Variants in KATNIP observed in about 807,000 individuals in gnomAD.
The protein encoded by KATNIP is katanin-interacting protein.
KATNIP carries 126 observed loss-of-function variants against 174.0 expected under a neutral mutation model. The observed-to-expected ratio is 0.72, with a 90% CI of 0.63 to 0.84. KATNIP has a LOEUF of 0.84. KATNIP is among the 40% of genes least tolerant of loss of function. KATNIP has a pLI of 0.00. For synonymous variants in KATNIP, 810 were observed against 835.7 expected (o/e 0.97, Z 0.53); for missense variants, 1,958 against 2,109.7 (o/e 0.93, Z 1.41).
At chr16:27,748,597 TAAAC>T (rs1194256259) in intron 15 of KATNIP, among the ~76,000 whole-genome samples, 1 of 143,276 alleles carries the variant, frequency 7.0e-6, no homozygotes, top group East Asian at 2.1e-4. Context: ...TCTCAATAAA[TAAAC>T]AAATAGCATT....
rs60005285 is a variant in KATNIP, at chr16:27,713,809, C to CATAT, written c.1605+4934_1605+4937dup. On this transcript the variant is annotated intron_variant, in intron 13 of 27. Coordinates refer to ENST00000261588, the MANE Select transcript of KATNIP (RefSeq NM_015202.5). ...ATATATGTGTGTGTGTGTGTATATA[C>CATAT]ATATATATATATATATATATATATA... Among the ~76,000 whole-genome samples, 226 of 33,302 alleles carry CATAT rather than the reference C, an allele frequency of 6.8e-3. 9 individuals carry two copies. Among genetic ancestry groups the CATAT allele is most frequent in the Non-Finnish European group, 9.9e-3 (159 of 16,046 alleles). The allele number at this position is 33,302 out of a possible 152,430, so 21.8% of individuals were successfully genotyped here. A position where few individuals can be genotyped will look rare whatever the true frequency, so the allele number is the denominator to read the frequency against.
At chr16:27,663,286 C>T (rs1285745213) in intron 6 of KATNIP, among the ~76,000 whole-genome samples, 1 of 150,580 alleles carries the variant, frequency 6.6e-6, no homozygotes, top group Admixed American at 6.6e-5. Context: ...TGTGACCCAC[C>T]ACACCTGGCC....
chr16:27,777,543 C>A lies in KATNIP; in HGVS notation c.4552-67C>A. 6.8e-7 allele frequency: 1 copy of A among 1,474,682 alleles called. No homozygotes were observed. Among genetic ancestry groups the A allele is most frequent in the Non-Finnish European group, 9.2e-7 (1 of 1,090,140 alleles). 91.3% of individuals were successfully genotyped at this position (1,474,682 alleles called of 1,614,324 possible). A position where few individuals can be genotyped will look rare whatever the true frequency, so the allele number is the denominator to read the frequency against. On this transcript the variant is annotated intron_variant, in intron 25 of 27. Coordinates refer to ENST00000261588, the MANE Select transcript of KATNIP (RefSeq NM_015202.5). The surrounding 1 kb of genome is among the most constrained non-coding windows in gnomAD (Gnocchi z 4.4). ...AAAGCCTTGGCTCAGAGCAGTAACG[C>A]GTTCTGCCCAAGGTCAACGTGGGAG...
intron 19 of KATNIP, among the ~76,000 whole-genome samples, chr16:27,761,966 G>C (rs560300793): frequency 6.6e-6 from 1 of 152,310 alleles, no homozygotes; most frequent in African/African-American, 2.4e-5. Flanking sequence ...CAGGCCTCCC[G>C]GGGGCTGAAA....
chr16:27,631,484 G>A lies in KATNIP; in HGVS notation c.408+322G>A, dbSNP rs548270816. 5.3e-5 allele frequency among the ~76,000 whole-genome samples: 8 copies of A among 151,528 alleles called. No homozygotes were observed. The South Asian group carries it at 1.0e-3, about 20-fold the overall frequency. On this transcript the variant is annotated intron_variant, in intron 5 of 27. Coordinates refer to ENST00000261588, the MANE Select transcript of KATNIP (RefSeq NM_015202.5). Reference sequence around the variant, plus strand: ...TGCATGAGCCCAGAAGTTTAAGCCCGCAGTGAGCTACAGTTGCACCACTGC... The same window carrying A: ...TGCATGAGCCCAGAAGTTTAAGCCCACAGTGAGCTACAGTTGCACCACTGC...
At chr16:27,619,472 G>A (rs371057164) in intron 3 of KATNIP, among the ~76,000 whole-genome samples, 14 of 152,272 alleles carry the variant, frequency 9.2e-5, no homozygotes, top group African/African-American at 3.1e-4. Flanking sequence ...CTGTGTTATC[G>A]GAGTGGGCTT....
chr16:27,749,702 C>A lies in KATNIP; in HGVS notation c.2742C>A (p.Ile914=), dbSNP rs1169536895. ...TCGACCGCTCCCACCGGGGACGCAT[C>A]TCCAACACGGAGCTCCCGGGGGACA... The part of the protein sequence containing the change: ...SAFDRSHRGR[I]SNTELPGDIL... Residue 914 remains isoleucine, a synonymous_variant, in exon 16 of 28, where the codon ATC becomes ATA. Coordinates refer to ENST00000261588, the MANE Select transcript of KATNIP (RefSeq NM_015202.5). The A allele has an allele frequency of 1.2e-6, 2 of 1,613,648 alleles. No individual in the cohort carries two copies. The highest frequency in any genetic ancestry group is 2.2e-5 in the East Asian group (1 of 44,868).
At chr16:27,676,579 A>G (rs945883707) in intron 6 of KATNIP, among the ~76,000 whole-genome samples, 9 of 152,042 alleles carry the variant, frequency 5.9e-5, no homozygotes, top group African/African-American at 2.2e-4. Flanking sequence ...ATTGCTTCCC[A>G]TTTTCTTAGA....
At chr16:27,690,691 C>T (rs1250428496) in intron 8 of KATNIP, among the ~76,000 whole-genome samples, 1 of 152,168 alleles carries the variant, frequency 6.6e-6, no homozygotes, top group Non-Finnish European at 1.5e-5. Flanking sequence ...CATCTGAAGA[C>T]AAAACAAGGC....
chr16:27,778,611 G>A lies in KATNIP; in HGVS notation c.4839G>A (p.Thr1613=), dbSNP rs746502962. 43 of 1,613,764 alleles carry A rather than the reference G, an allele frequency of 2.7e-5. No homozygotes were observed. Among genetic ancestry groups the A allele is most frequent in the Middle Eastern group, 3.3e-4 (2 of 6,080 alleles). The change falls in exon 28 of 28, where the codon ACG becomes ACA. Residue 1613 remains threonine, a synonymous_variant. Coordinates refer to ENST00000261588, the MANE Select transcript of KATNIP (RefSeq NM_015202.5). ...RPKTCISEKE[T]RRRRC is the part of the protein sequence containing the mutation. ...AAACCTGCATCAGCGAGAAGGAGAC[G>A]AGACGACGGCGCTGCTGACTGGTGA...
At chr16:27,720,446 A>ATG (rs2080175236) in intron 13 of KATNIP, among the ~76,000 whole-genome samples, 1 of 148,860 alleles carries the variant, frequency 6.7e-6, no homozygotes, top group Non-Finnish European at 1.5e-5. Flanking sequence ...GGCACACTCC[A>ATG]TGTGTGTGCA....
At chr16:27,551,109 A>T (rs2089341621) in intron 1 of KATNIP, among the ~76,000 whole-genome samples, 2 of 152,170 alleles carry the variant, frequency 1.3e-5, no homozygotes, top group Admixed American at 1.3e-4. Flanking sequence ...CCCTGATTAG[A>T]GTCATGGTAT....
intron 6 of KATNIP, among the ~76,000 whole-genome samples, chr16:27,671,642 C>G (rs1460143366): frequency 6.6e-6 from 1 of 152,220 alleles, no homozygotes; most frequent in Non-Finnish European, 1.5e-5. Context: ...TCCCTGTCCC[C>G]ACCTCTGCTG....
chr16:27,698,962 G>A (rs1309852993), intron 9 of KATNIP, among the ~76,000 whole-genome samples: 1 of 152,204 alleles, frequency 6.6e-6, no homozygotes, highest in Non-Finnish European at 1.5e-5. Flanking sequence ...GGCCTACAGG[G>A]GTTTGAGCTT....
At chr16:27,750,331 C>A (rs761001005) in intron 16 of KATNIP, 25 bp downstream of exon 16, 152 of 1,578,194 alleles carry the variant, frequency 9.6e-5, no homozygotes, top group Non-Finnish European at 1.3e-4. Context: ...TAAGAATTTT[C>A]TCAGAGCCCC....
At chr16:27,658,220 G>A (rs905392300) in intron 6 of KATNIP, among the ~76,000 whole-genome samples, 6 of 152,192 alleles carry the variant, frequency 3.9e-5, no homozygotes, top group Non-Finnish European at 8.8e-5. Context: ...CAATGTTTGA[G>A]AACCATAGTT....
intron 2 of KATNIP, among the ~76,000 whole-genome samples, chr16:27,583,408 C>T (rs1301371755): frequency 6.6e-6 from 1 of 152,170 alleles, no homozygotes; most frequent in Non-Finnish European, 1.5e-5. Flanking sequence ...CCCCAGAAGT[C>T]ACTGTATGGA....
rs189271378 is a variant in KATNIP, at chr16:27,677,359, G to T, written c.541-370G>T. ...ATGTAAATCCTCAGGCCCCATCCCA[G>T]ACCCACTGAATCAGTGGGTGGGACT... On this transcript the variant is annotated intron_variant, in intron 6 of 27. Transcript: ENST00000261588. Among the ~76,000 whole-genome samples, 48 of 152,232 alleles carry T rather than the reference G, an allele frequency of 3.2e-4. No individual in the cohort carries two copies. The East Asian group carries it at 4.8e-3, about 15-fold the overall frequency.
intron 23 of KATNIP, among the ~76,000 whole-genome samples, 162 bp from the exon 24 acceptor site, chr16:27,774,783 C>G (rs1019634271): frequency 6.6e-6 from 1 of 152,188 alleles, no homozygotes; most frequent in African/African-American, 2.4e-5. Context: ...CCGGCACTCC[C>G]CGTTTCCCCA....
Sources: allele counts gnomAD v4.1 joint callset (sites outside exome capture counted in the v4.1 genomes callset), GRCh38; gene constraint gnomAD v4.1.1; non-coding constraint Gnocchi (gnomAD v3.1); transcripts MANE v1.5; gene names NCBI Gene and HGNC (gene_info 2026-07-23, HGNC 2026-07-21).